ME3: variants seen among roughly 807,000 people sequenced by gnomAD.
ME3 encodes the protein NADP-dependent malic enzyme, mitochondrial.
In ME3, 48 loss-of-function variants were observed where a neutral mutation model predicts 68.9. That is an observed-to-expected ratio of 0.70 (90% CI 0.55 to 0.89). The LOEUF is 0.89. Ranked by LOEUF, ME3 falls within the 40% of genes least tolerant of loss-of-function variation. ME3 has a pLI of 0.00. For synonymous variants in ME3, 320 were observed against 318.8 expected, an observed-to-expected ratio of 1.00 and a Z score of -0.04; for missense variants, 675 against 797.4, an observed-to-expected ratio of 0.85 and a Z score of 1.85.
rs541642946 is a variant in ME3 at position 86,556,762 on chromosome 11, G to A, written c.318-60C>T. On this transcript the variant is annotated intron_variant, in intron 3 of 14. Coordinates refer to ENST00000543262, the Ensembl canonical transcript of ME3. ...GGTAGCAGCAGGCCCTGATGCCTCT[G>A]TGGTGTGGTGCAAAGACCCAAGGCT... 6.4e-6 allele frequency: 10 copies of A among 1,562,228 alleles called. No individual in the cohort carries two copies. The South Asian group carries it at 1.0e-4, about 16-fold the overall frequency.
chr11:86,484,540 C>CTG (rs919510780), intron 7 of ME3, among the ~76,000 whole-genome samples: 8 of 152,058 alleles, frequency 5.3e-5, no homozygotes, highest in Non-Finnish European at 7.4e-5. Context: ...CCCGGACTGC[C>CTG]TGTGTGTGTG....
chr11:86,538,595 A>G (rs1216789031), intron 4 of ME3, among the ~76,000 whole-genome samples: 1 of 151,208 alleles, frequency 6.6e-6, no homozygotes, highest in East Asian at 1.9e-4. Flanking sequence ...CATACCACAG[A>G]CTCCTCTTTC....
intron 2 of ME3, among the ~76,000 whole-genome samples, chr11:86,664,606 T>A (rs1317646829): frequency 2.6e-5 from 4 of 152,172 alleles, no homozygotes; most frequent in African/African-American, 4.8e-5. Context: ...GTGGTTTCCT[T>A]TGACTTTTAT....
At chr11:86,539,533 A>G (rs551745934) in intron 4 of ME3, among the ~76,000 whole-genome samples, 87 of 152,308 alleles carry the variant, frequency 5.7e-4, no homozygotes, top group Admixed American at 1.2e-3. Context: ...ATGGTGGCCA[A>G]CCACAAAGAT....
At position 86,462,550 on chromosome 11, in the gene ME3, G is replaced by C. The variant is rs1041105156; in HGVS notation, c.919+2541C>G. The stretch of plus-strand genomic sequence containing the variant: ...GAGAGGCTGCAGGGGCAGGTGTCCA[G>C]TGTAGACATACTCACATGAACAGGT... On this transcript the variant is annotated intron_variant, in intron 8 of 14. Transcript: ENST00000543262. The C allele has an allele frequency of 2.5e-5, 31 of 1,259,180 alleles. No homozygotes were observed. In the Admixed American group the frequency reaches 6.8e-4, roughly 28 times the overall value. The allele number at this position is 1,259,180 out of a possible 1,614,324, so 78.0% of individuals were successfully genotyped here.
chr11:86,653,323 A>T (rs931909476), intron 2 of ME3, among the ~76,000 whole-genome samples: 12 of 152,346 alleles, frequency 7.9e-5, no homozygotes, highest in African/African-American at 2.9e-4. Flanking sequence ...CACCCATTCC[A>T]AAATTGACCA....
intron 4 of ME3, among the ~76,000 whole-genome samples, chr11:86,530,242 T>G (rs900353546): frequency 6.6e-6 from 1 of 152,078 alleles, no homozygotes; most frequent in Admixed American, 6.6e-5. Flanking sequence ...TGAACTCCCA[T>G]TCACAAATGC....
intron 7 of ME3, among the ~76,000 whole-genome samples, chr11:86,481,358 G>A (rs955742586): frequency 6.6e-6 from 1 of 151,930 alleles, no homozygotes; most frequent in South Asian, 2.1e-4. Context: ...CAGCCGAAGA[G>A]TTTCTCAAAT....
chr11:86,643,900 G>A (rs1178677446), intron 2 of ME3, among the ~76,000 whole-genome samples: 4 of 152,144 alleles, frequency 2.6e-5, no homozygotes, highest in Non-Finnish European at 5.9e-5. Flanking sequence ...TCAGTCCTCT[G>A]GGCTCCAGCA....
chr11:86,488,320 G>C (rs1268992265), intron 6 of ME3, among the ~76,000 whole-genome samples: 1 of 152,154 alleles, frequency 6.6e-6, no homozygotes. Flanking sequence ...AGAGTCCCTG[G>C]TCTGGACTCA....
intron 4 of ME3, among the ~76,000 whole-genome samples, chr11:86,510,029 T>C (rs1399597031): frequency 6.6e-6 from 1 of 152,162 alleles, no homozygotes; most frequent in Admixed American, 6.5e-5. Context: ...ACCAAAAAAA[T>C]CACTGAACCC....
At chr11:86,479,179 A>C (rs1403223222) in intron 7 of ME3, among the ~76,000 whole-genome samples, 1 of 152,166 alleles carries the variant, frequency 6.6e-6, no homozygotes, top group Non-Finnish European at 1.5e-5. Flanking sequence ...TGAATTTGGA[A>C]CACCCATCTT....
chr11:86,556,477 T>A, intron 4 of ME3, 76 bp downstream of exon 4: 1 of 1,513,078 alleles, frequency 6.6e-7, no homozygotes, highest in Non-Finnish European at 8.9e-7. Context: ...AGTCCCAATA[T>A]GCATGAAGGG....
chr11:86,440,585 T>G (rs953342904), downstream of ME3, among the ~76,000 whole-genome samples: 5 of 152,134 alleles, frequency 3.3e-5, no homozygotes, highest in Admixed American at 3.3e-4. Flanking sequence ...TGGTTTTCCT[T>G]TTAGAAAAAA....
chr11:86,599,811 A>G (rs925668390), intron 2 of ME3, among the ~76,000 whole-genome samples: 8 of 152,194 alleles, frequency 5.3e-5, no homozygotes, highest in African/African-American at 9.6e-5. Flanking sequence ...ATTCTTAAAG[A>G]AAAGAATTTT....
At chr11:86,508,600 T>A (rs1565877229) in intron 5 of ME3, among the ~76,000 whole-genome samples, 192 bp downstream of exon 5, 1 of 152,196 alleles carries the variant, frequency 6.6e-6, no homozygotes, top group Non-Finnish European at 1.5e-5. Context: ...GTCACATGGA[T>A]GCCTGGTTAA....
At chr11:86,644,524 C>T (rs1297208298) in intron 2 of ME3, among the ~76,000 whole-genome samples, 1 of 152,128 alleles carries the variant, frequency 6.6e-6, no homozygotes, top group African/African-American at 2.4e-5. Flanking sequence ...ATTAGACTGC[C>T]TATTGTCAGC....
chr11:86,621,315 C>T (rs999472), intron 2 of ME3, among the ~76,000 whole-genome samples: 58,806 of 151,864 alleles, frequency 0.39, 12,218 homozygotes, highest in East Asian at 0.7. Flanking sequence ...TTTTTATTGG[C>T]ATAGAATTCA....
chr11:86,575,291 A>T (rs1958038853), intron 2 of ME3, among the ~76,000 whole-genome samples: 1 of 146,970 alleles, frequency 6.8e-6, no homozygotes, highest in Admixed American at 6.7e-5. Flanking sequence ...AGTTACTAGG[A>T]TAAATGCGGC....
Sources: gnomAD v4.1 joint callset for allele counts (sites outside exome capture counted in the v4.1 genomes callset) on GRCh38, gnomAD v4.1.1 for gene constraint, MANE v1.5 for transcripts, NCBI Gene and HGNC (gene_info 2026-07-23, HGNC 2026-07-21) for gene names.